The following EML4 variants were observed in gnomAD, a reference collection of about 807,000 sequenced individuals.
EML4 encodes the protein echinoderm microtubule-associated protein-like 4.
A neutral mutation model predicts 129.0 loss-of-function variants in EML4; 72 were observed. The observed-to-expected ratio is 0.56, with a 90% CI of 0.46 to 0.68. EML4 has a LOEUF of 0.68. Ranked by LOEUF, EML4 falls within the 30% of genes least tolerant of loss-of-function variation. The probability of loss-of-function intolerance (pLI) is 0.00; values close to 1 mark genes in which losing one functional copy is unlikely to be tolerated. For synonymous variants in EML4, 532 were observed against 405.0 expected (o/e 1.31, Z -3.77); for missense variants, 1,363 against 1,190.6 (o/e 1.14, Z -2.13).
chr2:42,238,182 G>A (rs979988498), intron 1 of EML4, among the ~76,000 whole-genome samples: 3 of 152,154 alleles, frequency 2.0e-5, no homozygotes, highest in Non-Finnish European at 4.4e-5. Flanking sequence ...TTATGTATAT[G>A]CAGATATTCC....
intron 17 of EML4, among the ~76,000 whole-genome samples, chr2:42,312,222 G>C (rs1344323520): frequency 6.6e-6 from 1 of 152,104 alleles, no homozygotes; most frequent in Non-Finnish European, 1.5e-5. Flanking sequence ...TGTTTAGTTA[G>C]AGATTTCACT....
intron 21 of EML4, among the ~76,000 whole-genome samples, chr2:42,328,087 G>A (rs1329106164): frequency 6.6e-6 from 1 of 152,100 alleles, no homozygotes; most frequent in Non-Finnish European, 1.5e-5. Flanking sequence ...TAGCTTCTGT[G>A]GTTATTTTAA....
At chr2:42,181,071 C>T (rs1386077860) in intron 1 of EML4, among the ~76,000 whole-genome samples, 8 of 152,160 alleles carry the variant, frequency 5.3e-5, no homozygotes, top group Non-Finnish European at 7.3e-5. Context: ...TTATTTATCC[C>T]ATTACTGATG....
intron 2 of EML4, among the ~76,000 whole-genome samples, chr2:42,251,238 A>G (rs1675746607): frequency 6.6e-6 from 1 of 152,190 alleles, no homozygotes; most frequent in African/African-American, 2.4e-5. Flanking sequence ...TGGTAAGTAT[A>G]TGTATATCTA....
rs529365905 is a variant in EML4 at position 42,192,035 on chromosome 2, A to T, written c.25+22399A>T. Among the ~76,000 whole-genome samples the T allele has an allele frequency of 2.0e-5, 3 of 151,618 alleles. No homozygotes were observed. In the South Asian group the frequency reaches 6.3e-4, roughly 32 times the overall value. ...ATGCCTGTAATTCCAGCTACTCGGGAGGCTGAGGCAGGAGAAACATTTGAA... is the reference window on the plus strand; with the variant it reads ...ATGCCTGTAATTCCAGCTACTCGGGTGGCTGAGGCAGGAGAAACATTTGAA... On this transcript the variant is annotated intron_variant, in intron 1 of 22. Coordinates refer to ENST00000318522, the MANE Select transcript of EML4 (RefSeq NM_019063.5).
chr2:42,268,753 T>C (rs1248066315), intron 6 of EML4, among the ~76,000 whole-genome samples: 1 of 152,210 alleles, frequency 6.6e-6, no homozygotes, highest in Non-Finnish European at 1.5e-5. Context: ...TTTTTAGAGA[T>C]GGAAAATAAG....
chr2:42,228,970 T>C (rs79083129), intron 1 of EML4, among the ~76,000 whole-genome samples: 8,140 of 152,264 alleles, frequency 0.053, 714 homozygotes, highest in African/African-American at 0.19. Flanking sequence ...TTTTTAATTT[T>C]CTGATGATTA....
intron 1 of EML4, among the ~76,000 whole-genome samples, chr2:42,241,851 A>T (rs1260997505): frequency 7.0e-6 from 1 of 142,250 alleles, no homozygotes; most frequent in Non-Finnish European, 1.5e-5. Context: ...TAAAATATAG[A>T]TTGTGTGTGT....
intron 13 of EML4, 46 bp from the exon 14 acceptor site, chr2:42,301,195 G>T: frequency 6.5e-7 from 1 of 1,545,060 alleles, no homozygotes; most frequent in Non-Finnish European, 8.8e-7. Flanking sequence ...ACTAAAATCT[G>T]AAGAAAAGTA....
intron 1 of EML4, among the ~76,000 whole-genome samples, chr2:42,218,452 C>G (rs185218059): frequency 7.2e-5 from 11 of 152,216 alleles, no homozygotes; most frequent in Non-Finnish European, 1.5e-5. Flanking sequence ...CCCCGCTGCC[C>G]CTAGTCTGTG....
At chr2:42,218,833 T>A (rs1413023047) in intron 1 of EML4, among the ~76,000 whole-genome samples, 1 of 152,194 alleles carries the variant, frequency 6.6e-6, no homozygotes, top group African/African-American at 2.4e-5. Flanking sequence ...TGAAATTTCT[T>A]TTTTTAATTT....
At chr2:42,315,932 A>C in intron 17 of EML4, 30 bp from the exon 18 acceptor site, 1 of 1,518,496 alleles carries the variant, frequency 6.6e-7, no homozygotes, top group Non-Finnish European at 9.0e-7. Context: ...CTAATATCTG[A>C]AGAAAATTTT....
chr2:42,256,407 C>T, intron 2 of EML4, 94 bp from the exon 3 acceptor site: 1 of 1,262,468 alleles, frequency 7.9e-7, no homozygotes, highest in Admixed American at 2.6e-5. Flanking sequence ...TTTTTTCTAC[C>T]ACCCCCTCCT....
At chr2:42,274,873 A>G (rs1267765122) in intron 6 of EML4, among the ~76,000 whole-genome samples, 1 of 152,194 alleles carries the variant, frequency 6.6e-6, no homozygotes, top group East Asian at 1.9e-4. Context: ...GGGAAAGTGC[A>G]ACATCAAGTA....
At chr2:42,213,422 G>T (rs1046428461) in intron 1 of EML4, among the ~76,000 whole-genome samples, 1 of 152,308 alleles carries the variant, frequency 6.6e-6, no homozygotes, top group East Asian at 1.9e-4. Flanking sequence ...GCTATGTGGA[G>T]TTTTATGAAT....
chr2:42,280,576 A>G (rs886650586), intron 6 of EML4, among the ~76,000 whole-genome samples: 1 of 152,252 alleles, frequency 6.6e-6, no homozygotes, highest in Non-Finnish European at 1.5e-5. Flanking sequence ...TAATCTAGAG[A>G]TGATTCAAAA....
At chr2:42,302,086 A>G (rs1411200681) in intron 14 of EML4, among the ~76,000 whole-genome samples, 1 of 152,142 alleles carries the variant, frequency 6.6e-6, no homozygotes, top group Non-Finnish European at 1.5e-5. Flanking sequence ...ATGTATTAAC[A>G]CAGCATTCAC....
rs765474817 is a variant in EML4, at chr2:42,261,142, A to G, written c.360A>G (p.Glu120=). ...AAKSGTEKKK[E]KPQGQREKKE... is the part of the protein sequence containing the mutation. ...ACAGTGGTACAGAAAAAAAGAAAGAAAAACCACAAGGACAGAGAGAAAAAA... is the reference window on the plus strand; with the variant it reads ...ACAGTGGTACAGAAAAAAAGAAAGAGAAACCACAAGGACAGAGAGAAAAAA... The change falls in exon 4 of 23, where the codon GAA becomes GAG. Residue 120 remains glutamate (E), a synonymous_variant. Coordinates refer to ENST00000318522, the MANE Select transcript of EML4 (RefSeq NM_019063.5). 3 of 1,610,390 alleles carry G rather than the reference A, an allele frequency of 1.9e-6. No individual in the cohort carries two copies. Among genetic ancestry groups the G allele is most frequent in the Non-Finnish European group, 2.5e-6 (3 of 1,178,856 alleles).
At chr2:42,206,814 G>C (rs1012175654) in intron 1 of EML4, among the ~76,000 whole-genome samples, 2 of 152,120 alleles carry the variant, frequency 1.3e-5, no homozygotes, top group Non-Finnish European at 2.9e-5. Flanking sequence ...AATAATTGCT[G>C]GTTGGTTTGA....
Sources: allele counts gnomAD v4.1 joint callset (sites outside exome capture counted in the v4.1 genomes callset), GRCh38; gene constraint gnomAD v4.1.1; transcripts MANE v1.5; gene names NCBI Gene and HGNC (gene_info 2026-07-23, HGNC 2026-07-21).